SUMF1: variants seen among roughly 807,000 people sequenced by gnomAD.
The protein encoded by SUMF1 is sulfatase modifying factor 1, also known as formylglycine-generating enzyme.
A neutral mutation model predicts 47.6 loss-of-function variants in SUMF1; 48 were observed. That is an observed-to-expected ratio of 1.01 (90% CI 0.80 to 1.28). The LOEUF is 1.28. Among genes scored for constraint, SUMF1 ranks in the 50% most tolerant of loss-of-function variants. The pLI is 0.00. For missense variants in SUMF1, 571 were observed against 485.4 expected (o/e 1.18, Z -1.66); for synonymous variants, 230 against 192.1 (o/e 1.20, Z -1.63).
At chr3:4,456,610 C>G (rs1480817591) in intron 1 of SUMF1, among the ~76,000 whole-genome samples, 3 of 132,934 alleles carry the variant, frequency 2.3e-5, no homozygotes, top group South Asian at 4.8e-4. Flanking sequence ...CGCCACCACA[C>G]CAGGCTAATA....
In SUMF1 at chr3:4,297,421, G is replaced by C. The variant is rs149472246; in HGVS notation, c.1014+78909C>G. Among the ~76,000 whole-genome samples, 8 of 152,172 alleles carry C rather than the reference G, an allele frequency of 5.3e-5. 1 individual carries two copies. Among genetic ancestry groups the C allele is most frequent in the African/African-American group, 1.9e-4 (8 of 41,506 alleles). On this transcript the variant is annotated intron_variant and NMD_transcript_variant, in intron 8 of 12. Transcript: ENST00000448413. ...TGTCAGGTGTTTTGGGTTTGTTTTA[G>C]AGAGAAGGTCTCTCTCCGTCGCCCA...
rs541797166 is a variant in SUMF1 at position 4,314,569 on chromosome 3, T to G, written c.1014+61761A>C. Among the ~76,000 whole-genome samples the G allele has an allele frequency of 1.5e-4, 8 of 52,440 alleles. No individual in the cohort carries two copies. The East Asian group carries it at 1.6e-3, about 11-fold the overall frequency. 34.4% of individuals were successfully genotyped at this position (52,440 alleles called of 152,430 possible). ...CAGAAAAAGAGACACATTGTAAATT[T>G]TTCATTTTCATTATATACTTGGCTG... On this transcript the variant is annotated intron_variant and NMD_transcript_variant, in intron 8 of 12. Transcript: ENST00000448413.
At chr3:4,436,448 A>G (rs996030938) in intron 3 of SUMF1, among the ~76,000 whole-genome samples, 2 of 152,218 alleles carry the variant, frequency 1.3e-5, no homozygotes, top group African/African-American at 4.8e-5. Flanking sequence ...GATATAAACA[A>G]AAACATTCAA....
intron 8 of SUMF1, among the ~76,000 whole-genome samples, chr3:4,193,978 G>A (rs541299788): frequency 6.6e-6 from 1 of 152,080 alleles, no homozygotes; most frequent in Non-Finnish European, 1.5e-5. Flanking sequence ...ACAGGCCAAC[G>A]TAAGTATGCC....
intron 8 of SUMF1, among the ~76,000 whole-genome samples, chr3:4,221,230 T>C (rs1028757438): frequency 5.9e-5 from 9 of 152,268 alleles, no homozygotes; most frequent in African/African-American, 1.7e-4. Context: ...CATATGCCAA[T>C]GCAGCAGCAG....
intron 7 of SUMF1, among the ~76,000 whole-genome samples, chr3:4,408,973 T>TA (rs926722480): frequency 5.3e-5 from 8 of 150,978 alleles, no homozygotes; most frequent in African/African-American, 1.5e-4. Flanking sequence ...AAATAAAAAT[T>TA]AAAAAAAAAG....
chr3:4,275,948 T>C (rs1215440842), intron 8 of SUMF1, among the ~76,000 whole-genome samples: 1 of 152,166 alleles, frequency 6.6e-6, no homozygotes, highest in Non-Finnish European at 1.5e-5. Context: ...TTAAAAAATA[T>C]TTTTTTAACT....
chr3:4,178,519 T>C (rs907903803), intron 8 of SUMF1, among the ~76,000 whole-genome samples: 22 of 152,234 alleles, frequency 1.4e-4, no homozygotes, highest in Middle Eastern at 3.4e-3. Context: ...CTCAATTAAC[T>C]AGGCATGGAT....
chr3:4,046,726 A>G (rs9883701), intron 9 of SUMF1, among the ~76,000 whole-genome samples: 5,912 of 152,154 alleles, frequency 0.039, 399 homozygotes, highest in African/African-American at 0.14. Context: ...CTATCTCTCA[A>G]TTAGACTATT....
chr3:4,204,522 T>C (rs1695609216), intron 8 of SUMF1, among the ~76,000 whole-genome samples: 1 of 152,152 alleles, frequency 6.6e-6, no homozygotes, highest in African/African-American at 2.4e-5. Flanking sequence ...GTTATCTCTC[T>C]CTAGGTTTGG....
chr3:4,321,180 G>T (rs1285494947), intron 8 of SUMF1, among the ~76,000 whole-genome samples: 1 of 152,024 alleles, frequency 6.6e-6, no homozygotes, highest in Non-Finnish European at 1.5e-5. Flanking sequence ...CTCACATTTA[G>T]CTTAGTATAG....
At chr3:4,106,152 T>C (rs1399636512) in intron 8 of SUMF1, among the ~76,000 whole-genome samples, 2 of 152,052 alleles carry the variant, frequency 1.3e-5, no homozygotes, top group African/African-American at 4.8e-5. Context: ...TTCTGTAGGG[T>C]TCCCGTGGCA....
At chr3:4,306,890 G>C (rs955880708) in intron 8 of SUMF1, among the ~76,000 whole-genome samples, 2 of 152,222 alleles carry the variant, frequency 1.3e-5, no homozygotes, top group Non-Finnish European at 2.9e-5. Context: ...AATGTCATCA[G>C]TGTTGAAAGC....
chr3:4,381,489 A>T (rs113607382), intron 7 of SUMF1, among the ~76,000 whole-genome samples: 50 of 152,314 alleles, frequency 3.3e-4, no homozygotes, highest in African/African-American at 8.4e-4. Flanking sequence ...AACGGAAATT[A>T]AAAAAATTAA....
chr3:4,251,725 A>C (rs780797945), intron 8 of SUMF1, among the ~76,000 whole-genome samples: 4 of 152,210 alleles, frequency 2.6e-5, no homozygotes, highest in African/African-American at 4.8e-5. Flanking sequence ...TTCTATTATA[A>C]GGCTGTTTTA....
intron 8 of SUMF1, among the ~76,000 whole-genome samples, chr3:4,157,197 G>A (rs187761159): frequency 6.6e-6 from 1 of 151,602 alleles, no homozygotes; most frequent in Admixed American, 6.6e-5. Flanking sequence ...TAGCATCACA[G>A]ACATCTCCAA....
At chr3:4,101,170 T>A (rs1055893140) in intron 8 of SUMF1, among the ~76,000 whole-genome samples, 4 of 150,638 alleles carry the variant, frequency 2.7e-5, no homozygotes, top group Non-Finnish European at 4.4e-5. Context: ...GAAATCAGTA[T>A]GTTAAAAAAA....
chr3:4,294,913 T>G (rs1232518770), intron 8 of SUMF1, among the ~76,000 whole-genome samples: 2 of 152,146 alleles, frequency 1.3e-5, no homozygotes, highest in African/African-American at 2.4e-5. Flanking sequence ...GTTTCCACAG[T>G]CCTCTTCAAT....
intron 9 of SUMF1, among the ~76,000 whole-genome samples, chr3:4,054,286 A>G (rs921359049): frequency 3.9e-5 from 6 of 152,200 alleles, no homozygotes; most frequent in African/African-American, 1.4e-4. Flanking sequence ...ACCAGAAACA[A>G]AACAGCTTCA....
Sources: gnomAD v4.1 joint callset for allele counts (sites outside exome capture counted in the v4.1 genomes callset) on GRCh38, gnomAD v4.1.1 for gene constraint, MANE v1.5 for transcripts, NCBI Gene and HGNC (gene_info 2026-07-23, HGNC 2026-07-21) for gene names.